The following CNTNAP2 variants were observed in gnomAD, a reference collection of about 807,000 sequenced individuals.
The protein encoded by CNTNAP2 is contactin associated protein 2.
CNTNAP2 carries 98 observed loss-of-function variants against 155.2 expected under a neutral mutation model. That is an observed-to-expected ratio of 0.63 (90% CI 0.54 to 0.75). The LOEUF (loss-of-function observed/expected upper bound fraction) is 0.75, where lower values mean the gene tolerates loss of function less well. Among genes scored for constraint, CNTNAP2 ranks in the 30% least tolerant of loss-of-function variants. CNTNAP2 has a pLI of 0.00. For missense variants in CNTNAP2, 1,727 were observed against 1,688.1 expected (o/e 1.02, Z -0.40); for synonymous variants, 651 against 631.2 (o/e 1.03, Z -0.47).
intron 18 of CNTNAP2, among the ~76,000 whole-genome samples, chr7:148,201,977 T>C (rs1457253899): frequency 1.3e-5 from 2 of 151,810 alleles, no homozygotes; most frequent in East Asian, 3.9e-4. Context: ...GGCAAATGAA[T>C]GAGTTGGGAA....
At chr7:146,356,382 C>T (rs143999744) in intron 1 of CNTNAP2, among the ~76,000 whole-genome samples, 63 of 152,196 alleles carry the variant, frequency 4.1e-4, no homozygotes, top group African/African-American at 1.4e-3. Flanking sequence ...CCTTATTGCC[C>T]ATTAATTAAT....
intron 12 of CNTNAP2, among the ~76,000 whole-genome samples, chr7:147,604,351 T>G (rs951381779): frequency 1.3e-5 from 2 of 152,122 alleles, no homozygotes; most frequent in Non-Finnish European, 2.9e-5. Flanking sequence ...ATCCAGAATC[T>G]ACAAAGAACT....
intron 3 of CNTNAP2, among the ~76,000 whole-genome samples, chr7:146,918,833 C>A (rs905411733): frequency 1.3e-5 from 2 of 152,180 alleles, no homozygotes; most frequent in Non-Finnish European, 2.9e-5. Flanking sequence ...TAGGTTTGGT[C>A]ATTTACCATA....
At chr7:148,267,919 C>T (rs1263708715) in intron 21 of CNTNAP2, among the ~76,000 whole-genome samples, 1 of 152,122 alleles carries the variant, frequency 6.6e-6, no homozygotes, top group East Asian at 1.9e-4. Context: ...CGTAAGAAAG[C>T]ACCTTGATAT....
chr7:147,068,396 C>T (rs1023014125), intron 4 of CNTNAP2, among the ~76,000 whole-genome samples: 3 of 152,122 alleles, frequency 2.0e-5, no homozygotes, highest in South Asian at 2.1e-4. Context: ...CTTGCTCTGT[C>T]GCCCAGGCTG....
intron 10 of CNTNAP2, among the ~76,000 whole-genome samples, chr7:147,450,652 A>G (rs1176098558): frequency 6.6e-6 from 1 of 152,218 alleles, no homozygotes; most frequent in African/African-American, 2.4e-5. Flanking sequence ...ATTCATCTTA[A>G]CATTTGACTA....
chr7:147,071,022 C>T (rs1469020536), intron 4 of CNTNAP2, among the ~76,000 whole-genome samples: 1 of 152,082 alleles, frequency 6.6e-6, no homozygotes, highest in African/African-American at 2.4e-5. Context: ...CCCAGGACCT[C>T]ATTATGTATC....
intron 15 of CNTNAP2, among the ~76,000 whole-genome samples, chr7:148,082,655 A>T (rs1803635379): frequency 6.6e-6 from 1 of 152,046 alleles, no homozygotes. Flanking sequence ...AGGAAAGGCC[A>T]TTGGATTTGA....
At chr7:146,160,601 G>A (rs1404461031) in intron 1 of CNTNAP2, among the ~76,000 whole-genome samples, 1 of 152,152 alleles carries the variant, frequency 6.6e-6, no homozygotes, top group Non-Finnish European at 1.5e-5. Context: ...AGAATATCTA[G>A]CAGAAATGGA....
intron 21 of CNTNAP2, among the ~76,000 whole-genome samples, chr7:148,344,315 A>G (rs1263166496): frequency 6.6e-6 from 1 of 152,122 alleles, no homozygotes; most frequent in African/African-American, 2.4e-5. Context: ...TATCTTTGGA[A>G]CTGCAGGAAG....
chr7:146,143,857 G>T (rs1797916750), intron 1 of CNTNAP2, among the ~76,000 whole-genome samples: 1 of 151,930 alleles, frequency 6.6e-6, no homozygotes, highest in Non-Finnish European at 1.5e-5. Context: ...CTGCCTCCTG[G>T]GTTCAAGCGA....
intron 10 of CNTNAP2, among the ~76,000 whole-genome samples, chr7:147,409,868 G>C (rs191790013): frequency 6.6e-6 from 1 of 151,012 alleles, no homozygotes; most frequent in East Asian, 1.9e-4. Flanking sequence ...TCTCAGGCTA[G>C]TCAAAATGGC....
At chr7:147,738,428 G>T (rs889919245) in intron 13 of CNTNAP2, among the ~76,000 whole-genome samples, 2 of 151,962 alleles carry the variant, frequency 1.3e-5, no homozygotes, top group African/African-American at 4.8e-5. Flanking sequence ...TTAAGACACT[G>T]CCATGGCCAC....
At chr7:146,689,934 G>T (rs561910676) in intron 1 of CNTNAP2, among the ~76,000 whole-genome samples, 1 of 151,914 alleles carries the variant, frequency 6.6e-6, no homozygotes, top group Non-Finnish European at 1.5e-5. Flanking sequence ...CAGACCCCCT[G>T]TAGGAAGAGG....
At chr7:148,027,340 G>T (rs1182517855) in intron 15 of CNTNAP2, among the ~76,000 whole-genome samples, 1 of 152,164 alleles carries the variant, frequency 6.6e-6, no homozygotes, top group African/African-American at 2.4e-5. Flanking sequence ...GCACTTTTAG[G>T]CTTCTCCTGC....
chr7:146,783,373 A>G (rs560803432), intron 2 of CNTNAP2, among the ~76,000 whole-genome samples: 1 of 152,300 alleles, frequency 6.6e-6, no homozygotes, highest in Admixed American at 6.5e-5. Context: ...ACCTCCCCAA[A>G]TGAATGAGAG....
At chr7:147,797,138 A>G (rs570119610) in intron 13 of CNTNAP2, among the ~76,000 whole-genome samples, 5 of 152,248 alleles carry the variant, frequency 3.3e-5, no homozygotes, top group Admixed American at 1.3e-4. Flanking sequence ...TAACTTACAA[A>G]TCACATTCTC....
chr7:148,285,649 A>T (rs1390676397), intron 21 of CNTNAP2, among the ~76,000 whole-genome samples: 1 of 152,254 alleles, frequency 6.6e-6, no homozygotes, highest in Admixed American at 6.5e-5. Context: ...GTGAGGAAAG[A>T]GGCTCTGAAG....
chr7:148,291,057 A>T (rs1223113568), intron 21 of CNTNAP2, among the ~76,000 whole-genome samples: 2 of 152,286 alleles, frequency 1.3e-5, no homozygotes, highest in South Asian at 4.1e-4. Flanking sequence ...TTATACTTCT[A>T]TGAATGTAGA....
Sources: allele counts gnomAD v4.1 joint callset (sites outside exome capture counted in the v4.1 genomes callset), GRCh38; gene constraint gnomAD v4.1.1; transcripts MANE v1.5; gene names NCBI Gene and HGNC (gene_info 2026-07-23, HGNC 2026-07-21).